The following MOB3B variants were observed in gnomAD, a reference collection of about 807,000 sequenced individuals.
MOB3B encodes the protein MOB kinase activator 3B.
In MOB3B, 7 loss-of-function variants were observed where a neutral mutation model predicts 18.7. The ratio of observed to expected loss-of-function variants is 0.37; its 90% CI spans 0.21 to 0.70. The LOEUF is 0.70. MOB3B is among the 30% of genes least tolerant of loss of function. The pLI is 0.52. For synonymous variants in MOB3B, 111 were observed against 99.9 expected, an observed-to-expected ratio of 1.11 and a Z score of -0.66; for missense variants, 253 against 281.3, an observed-to-expected ratio of 0.90 and a Z score of 0.72.
At chr9:27,376,621 C>T (rs1821493142) in intron 2 of MOB3B, among the ~76,000 whole-genome samples, 1 of 152,196 alleles carries the variant, frequency 6.6e-6, no homozygotes, top group Non-Finnish European at 1.5e-5. Context: ...CAGTGTCTCA[C>T]ACTAGAACAA....
chr9:27,523,986 A>G (rs559885470), intron 1 of MOB3B, among the ~76,000 whole-genome samples: 1 of 152,190 alleles, frequency 6.6e-6, no homozygotes, highest in African/African-American at 2.4e-5. Flanking sequence ...ATGGACTCAC[A>G]GCTTTTGGCT....
chr9:27,364,762 C>T (rs188082460), intron 2 of MOB3B, among the ~76,000 whole-genome samples: 47 of 142,066 alleles, frequency 3.3e-4, no homozygotes, highest in African/African-American at 1.3e-3. Context: ...AGCTTACTGC[C>T]TTGCAGTATT....
intron 1 of MOB3B, among the ~76,000 whole-genome samples, chr9:27,468,531 T>C (rs1474441746): frequency 6.6e-6 from 1 of 152,194 alleles, no homozygotes; most frequent in East Asian, 1.9e-4. Context: ...CTGGTCATCG[T>C]GTGCACCTTG....
chr9:27,393,291 T>A (rs1261656209), intron 2 of MOB3B, among the ~76,000 whole-genome samples: 1 of 152,108 alleles, frequency 6.6e-6, no homozygotes, highest in Non-Finnish European at 1.5e-5. Context: ...TGATTATTTG[T>A]AGAGGGCACA....
intron 2 of MOB3B, among the ~76,000 whole-genome samples, chr9:27,423,043 G>C (rs1410567396): frequency 6.6e-6 from 1 of 152,136 alleles, no homozygotes; most frequent in African/African-American, 2.4e-5. Context: ...CTTTACTTAT[G>C]GGTCCACATG....
intron 3 of MOB3B, among the ~76,000 whole-genome samples, chr9:27,350,595 T>G (rs1821089208): frequency 6.6e-6 from 1 of 152,362 alleles, no homozygotes; most frequent in East Asian, 1.9e-4. Context: ...GGCAGAGACA[T>G]GTGGCTATTT....
chr9:27,479,857 G>C (rs1183782151), intron 1 of MOB3B, among the ~76,000 whole-genome samples: 1 of 152,062 alleles, frequency 6.6e-6, no homozygotes, highest in East Asian at 1.9e-4. Flanking sequence ...GGAGTTTAAG[G>C]CCAGCCTGGG....
Position 27,330,631 on chromosome 9 carries a change from GA to G in MOB3B, c.622-16del, listed in dbSNP as rs1820772603. The G allele has an allele frequency of 1.2e-6, 2 of 1,614,022 alleles. No individual in the cohort carries two copies. The highest frequency in any genetic ancestry group is 1.3e-5 in the African/African-American group (1 of 75,030). On this transcript the variant is annotated splice_polypyrimidine_tract_variant and intron_variant, in intron 3 of 3. Coordinates refer to ENST00000262244, the MANE Select transcript of MOB3B (RefSeq NM_024761.5). ...GTCATTTCTTTCTGGAAAGCAAGGGGAAAAGGATGGTTAGGAGAAACTATAA... is the reference window on the plus strand; with the variant it reads ...GTCATTTCTTTCTGGAAAGCAAGGGGAAAGGATGGTTAGGAGAAACTATAA...
intron 1 of MOB3B, among the ~76,000 whole-genome samples, chr9:27,525,718 C>T (rs1415161635): frequency 6.6e-6 from 1 of 152,118 alleles, no homozygotes; most frequent in East Asian, 1.9e-4. Flanking sequence ...GGTACAGAAT[C>T]TGTCTTTTAC....
At chr9:27,430,896 C>A (rs530615766) in intron 2 of MOB3B, among the ~76,000 whole-genome samples, 1 of 146,922 alleles carries the variant, frequency 6.8e-6, no homozygotes, top group Admixed American at 6.8e-5. Context: ...TTCTGTTCCA[C>A]AGTTTGTTAA....
At chr9:27,524,705 G>A (rs1820402796) in intron 1 of MOB3B, 1 of 1,614,024 alleles carries the variant, frequency 6.2e-7, no homozygotes, top group Non-Finnish European at 8.5e-7. Flanking sequence ...AGCAAGCAGA[G>A]TACCTGAACC....
At chr9:27,513,306 C>A (rs1320636713) in intron 1 of MOB3B, among the ~76,000 whole-genome samples, 4 of 152,146 alleles carry the variant, frequency 2.6e-5, no homozygotes, top group Non-Finnish European at 1.5e-5. Context: ...CCATGACTCT[C>A]CCCAGGCCTA....
At chr9:27,381,708 G>A (rs1392814024) in intron 2 of MOB3B, among the ~76,000 whole-genome samples, 2 of 152,140 alleles carry the variant, frequency 1.3e-5, no homozygotes, top group East Asian at 1.9e-4. Flanking sequence ...GTGCAGAGGC[G>A]CCATCGTAGC....
At chr9:27,372,739 A>C (rs1563852765) in intron 2 of MOB3B, among the ~76,000 whole-genome samples, 2 of 152,338 alleles carry the variant, frequency 1.3e-5, no homozygotes, top group East Asian at 3.9e-4. Context: ...CAAGTTCATC[A>C]AAACAAGGAA....
At chr9:27,333,129 G>A (rs191970284) in intron 3 of MOB3B, among the ~76,000 whole-genome samples, 10 of 152,148 alleles carry the variant, frequency 6.6e-5, no homozygotes, top group African/African-American at 2.2e-4. Context: ...TTAAGTAGCA[G>A]AGTAACAGTT....
intron 1 of MOB3B, among the ~76,000 whole-genome samples, chr9:27,511,595 A>G (rs1845699): frequency 3.3e-5 from 5 of 151,410 alleles, no homozygotes; most frequent in African/African-American, 1.2e-4. Context: ...TGTTTTTTTT[A>G]AAAAAAATAG....
intron 3 of MOB3B, among the ~76,000 whole-genome samples, chr9:27,343,508 AC>A (rs1221194794): frequency 6.7e-6 from 1 of 148,712 alleles, no homozygotes; most frequent in Non-Finnish European, 1.5e-5. Flanking sequence ...AAAGAACTAA[AC>A]CTCTTTGGCT....
chr9:27,479,307 A>G (rs1819610125), intron 1 of MOB3B, among the ~76,000 whole-genome samples: 1 of 152,164 alleles, frequency 6.6e-6, no homozygotes, highest in Non-Finnish European at 1.5e-5. Flanking sequence ...TCCTACTACA[A>G]TGAACTTACT....
intron 1 of MOB3B, among the ~76,000 whole-genome samples, chr9:27,509,481 A>G (rs2131500030): frequency 6.6e-6 from 1 of 152,188 alleles, no homozygotes; most frequent in Non-Finnish European, 1.5e-5. Context: ...CAGAGGTGCG[A>G]TCTCGGCTCA....
Sources: gnomAD v4.1 joint callset for allele counts (sites outside exome capture counted in the v4.1 genomes callset) on GRCh38, gnomAD v4.1.1 for gene constraint, MANE v1.5 for transcripts, NCBI Gene and HGNC (gene_info 2026-07-23, HGNC 2026-07-21) for gene names.